Variants in PDLIM5 observed in about 807,000 individuals in gnomAD.
PDLIM5 encodes the protein PDZ and LIM domain protein 5.
Under a neutral mutation model 64.2 loss-of-function variants are expected in PDLIM5, and 34 were observed. That is an observed-to-expected ratio of 0.53 (90% CI 0.40 to 0.71). PDLIM5 has a LOEUF of 0.71. Among genes scored for constraint, PDLIM5 ranks in the 30% least tolerant of loss-of-function variants. The pLI is 0.00. For missense variants in PDLIM5, 683 were observed against 733.6 expected, an observed-to-expected ratio of 0.93 and a Z score of 0.80; for synonymous variants, 253 against 269.1, an observed-to-expected ratio of 0.94 and a Z score of 0.59.
intron 3 of PDLIM5, among the ~76,000 whole-genome samples, chr4:94,537,730 G>A (rs1379212168): frequency 2.0e-5 from 3 of 152,064 alleles, no homozygotes; most frequent in Non-Finnish European, 1.5e-5. Flanking sequence ...AACTTATTAT[G>A]GCAGATATTA....
At chr4:94,525,095 C>T (rs1476133457) in intron 3 of PDLIM5, among the ~76,000 whole-genome samples, 2 of 152,044 alleles carry the variant, frequency 1.3e-5, no homozygotes, top group South Asian at 4.1e-4. Context: ...CTTAGTCTTC[C>T]ATAAATTATC....
chr4:94,482,532 G>T (rs1725961683), intron 2 of PDLIM5, among the ~76,000 whole-genome samples: 1 of 152,030 alleles, frequency 6.6e-6, no homozygotes, highest in Admixed American at 6.6e-5. Flanking sequence ...ATGAGTTTTG[G>T]ACTTTGCCTT....
At chr4:94,485,657 C>T (rs1014792562) in intron 2 of PDLIM5, among the ~76,000 whole-genome samples, 1 of 151,372 alleles carries the variant, frequency 6.6e-6, no homozygotes, top group Non-Finnish European at 1.5e-5. Flanking sequence ...TATGGTGAAA[C>T]CCTGTCTCTA....
intron 10 of PDLIM5, 76 bp from the exon 11 acceptor site, chr4:94,657,351 G>T: frequency 9.4e-7 from 1 of 1,064,076 alleles, no homozygotes; most frequent in Admixed American, 1.9e-5. Context: ...GGATTTACTG[G>T]TACAGATATT....
intron 2 of PDLIM5, among the ~76,000 whole-genome samples, chr4:94,470,300 T>G (rs1241935075): frequency 6.6e-6 from 1 of 152,142 alleles, no homozygotes; most frequent in Non-Finnish European, 1.5e-5. Flanking sequence ...ATGTAGCTTG[T>G]CTCCCAGATG....
chr4:94,595,581 T>C (rs1737007990), intron 7 of PDLIM5, among the ~76,000 whole-genome samples: 1 of 152,218 alleles, frequency 6.6e-6, no homozygotes, highest in Non-Finnish European at 1.5e-5. Flanking sequence ...TTAGGAAGCA[T>C]AAATTACATA....
At chr4:94,529,114 C>T (rs1286055498) in intron 3 of PDLIM5, among the ~76,000 whole-genome samples, 1 of 152,308 alleles carries the variant, frequency 6.6e-6, no homozygotes, top group South Asian at 2.1e-4. Flanking sequence ...TTTAAGTTTT[C>T]CAGGGCCTAT....
chr4:94,644,784 A>G (rs929276408), intron 9 of PDLIM5, among the ~76,000 whole-genome samples: 1 of 151,996 alleles, frequency 6.6e-6, no homozygotes, highest in African/African-American at 2.4e-5. Context: ...CTCATGATCC[A>G]CCTGCCTCGG....
intron 7 of PDLIM5, among the ~76,000 whole-genome samples, chr4:94,594,698 CTAT>C (rs1736930754): frequency 1.3e-5 from 2 of 151,962 alleles, no homozygotes; most frequent in Admixed American, 6.6e-5. Flanking sequence ...CAATTTTCTA[CTAT>C]ATTATAATAA....
intron 3 of PDLIM5, among the ~76,000 whole-genome samples, chr4:94,557,875 T>C (rs1479265590): frequency 1.3e-5 from 2 of 152,152 alleles, no homozygotes; most frequent in Non-Finnish European, 2.9e-5. Context: ...GACTTCCTCT[T>C]TTCCTAATTG....
chr4:94,584,889 C>G, intron 5 of PDLIM5: 2 of 783,798 alleles, frequency 2.6e-6, no homozygotes, highest in Non-Finnish European at 4.3e-6. Flanking sequence ...TATGGACTTT[C>G]ATTTTCTAGT....
chr4:94,567,259 A>C (rs1734425367), intron 3 of PDLIM5, among the ~76,000 whole-genome samples: 1 of 152,114 alleles, frequency 6.6e-6, no homozygotes, highest in African/African-American at 2.4e-5. Flanking sequence ...TCCCAACTGT[A>C]TTTGTTTTAA....
chr4:94,587,741 T>G, intron 7 of PDLIM5: 5 of 983,668 alleles, frequency 5.1e-6, no homozygotes, highest in Non-Finnish European at 6.0e-6. Flanking sequence ...AAATACAGTA[T>G]TCTTTGGTTT....
At chr4:94,608,336 C>G (rs1235677286) in intron 7 of PDLIM5, among the ~76,000 whole-genome samples, 1 of 152,210 alleles carries the variant, frequency 6.6e-6, no homozygotes, top group Non-Finnish European at 1.5e-5. Flanking sequence ...AACAGCGCTT[C>G]TCACTGCTTT....
intron 7 of PDLIM5, among the ~76,000 whole-genome samples, chr4:94,590,593 CTTTAGA>C (rs1326973291): frequency 1.3e-5 from 2 of 152,120 alleles, no homozygotes; most frequent in Non-Finnish European, 2.9e-5. Context: ...GGAAGGATTA[CTTTAGA>C]TTATGTGGAC....
rs79615163 is a variant in PDLIM5 at position 94,613,130 on chromosome 4, C to T, written c.921-4874C>T. ...TGACAGAGGAATTCTATAAAATAAA[C>T]AATTGCTTGTAACTAAGGCCTTTCC... is the stretch of plus-strand genomic sequence containing the variant. On this transcript the variant is annotated intron_variant, in intron 7 of 12. Coordinates refer to ENST00000317968, the MANE Select transcript of PDLIM5 (RefSeq NM_006457.5). 3.2e-3 allele frequency among the ~76,000 whole-genome samples: 487 copies of T among 152,086 alleles called. 2 individuals carry two copies. The highest frequency in any genetic ancestry group is 5.2e-3 in the Non-Finnish European group (353 of 67,952).
intron 7 of PDLIM5, among the ~76,000 whole-genome samples, chr4:94,601,831 G>C (rs1737526506): frequency 1.3e-5 from 2 of 152,172 alleles, no homozygotes; most frequent in African/African-American, 4.8e-5. Flanking sequence ...GAGAGTACCA[G>C]AAATTCCCAC....
chr4:94,600,515 C>G (rs1560732299), intron 7 of PDLIM5, among the ~76,000 whole-genome samples: 1 of 152,206 alleles, frequency 6.6e-6, no homozygotes, highest in Non-Finnish European at 1.5e-5. Flanking sequence ...TTAAATAATA[C>G]ATGCCTTTCT....
intron 3 of PDLIM5, among the ~76,000 whole-genome samples, chr4:94,562,055 C>T (rs1236071388): frequency 6.6e-6 from 1 of 152,134 alleles, no homozygotes; most frequent in Admixed American, 6.5e-5. Context: ...GATATCATTG[C>T]GTGCAGAATT....
Sources: allele counts gnomAD v4.1 joint callset (sites outside exome capture counted in the v4.1 genomes callset), GRCh38; gene constraint gnomAD v4.1.1; transcripts MANE v1.5; gene names NCBI Gene and HGNC (gene_info 2026-07-23, HGNC 2026-07-21).